Variants in ANKRD30B observed in about 807,000 individuals in gnomAD.
ANKRD30B encodes the protein ankyrin repeat domain-containing protein 30B.
A neutral mutation model predicts 202.2 loss-of-function variants in ANKRD30B; 144 were observed. That is an observed-to-expected ratio of 0.71 (90% CI 0.62 to 0.82). ANKRD30B has a LOEUF of 0.82. ANKRD30B is among the 40% of genes least tolerant of loss of function. The pLI is 0.00. For missense variants in ANKRD30B, 1,487 were observed against 1,669.1 expected, an observed-to-expected ratio of 0.89 and a Z score of 1.90; for synonymous variants, 508 against 561.3, an observed-to-expected ratio of 0.91 and a Z score of 1.34.
At chr18:14,772,790 G>C (rs1273548809) in intron 9 of ANKRD30B, among the ~76,000 whole-genome samples, 4 of 138,906 alleles carry the variant, frequency 2.9e-5, no homozygotes, top group Admixed American at 7.4e-5. Flanking sequence ...TTCTCTTCTT[G>C]GTTCTTTAAT....
chr18:14,756,548 T>C (rs1458512796), intron 4 of ANKRD30B, among the ~76,000 whole-genome samples: 1 of 152,220 alleles, frequency 6.6e-6, no homozygotes, highest in East Asian at 1.9e-4. Flanking sequence ...GTCTAACATG[T>C]AAGTCTTTAA....
In ANKRD30B at chr18:14,851,561, TGAAAAA is replaced by T; in HGVS notation, c.3619_3624del (p.Lys1207_Lys1208del). On this transcript the variant is annotated inframe_deletion, in exon 42 of 44. Transcript: ENST00000690538. ...GATCTCTTTCATGAAAATTGCATGT[TGAAAAA>T]GGAAATTGCCATGCTAAAACTGGAA... 2 of 1,581,280 alleles carry T rather than the reference TGAAAAA, an allele frequency of 1.3e-6. No individual in the cohort carries two copies. The highest frequency in any genetic ancestry group is 1.7e-6 in the Non-Finnish European group (2 of 1,170,230).
At chr18:14,788,375 T>G (rs1375915051) in intron 15 of ANKRD30B, among the ~76,000 whole-genome samples, 1 of 152,094 alleles carries the variant, frequency 6.6e-6, no homozygotes, top group Non-Finnish European at 1.5e-5. Flanking sequence ...GAGAGAGTTA[T>G]GTGAGGTTTT....
the ANKRD30B span, among the ~76,000 whole-genome samples, chr18:14,912,300 C>G: frequency 4.6e-5 from 7 of 152,018 alleles, no homozygotes; most frequent in Admixed American, 3.3e-4. Flanking sequence ...CCTTCTATGC[C>G]TAGTTTTTTT....
At chr18:14,923,600 C>A in the ANKRD30B span, among the ~76,000 whole-genome samples, 14 of 152,116 alleles carry the variant, frequency 9.2e-5, no homozygotes, top group African/African-American at 3.4e-4. Flanking sequence ...AAGGGAAGGA[C>A]AGAAGCCTGG....
the ANKRD30B span, among the ~76,000 whole-genome samples, chr18:14,932,002 C>G: frequency 7.9e-6 from 1 of 127,362 alleles, no homozygotes. Context: ...ACCCCACCTC[C>G]CACCTCCCTC....
At chr18:14,860,413 T>A in the ANKRD30B span, among the ~76,000 whole-genome samples, 19 of 113,282 alleles carry the variant, frequency 1.7e-4, no homozygotes, top group Middle Eastern at 4.9e-3. Context: ...GCTCCTCACC[T>A]CCCAGATGGG....
chr18:14,797,994 T>C, intron 20 of ANKRD30B, 140 bp downstream of exon 20: 2 of 943,200 alleles, frequency 2.1e-6, no homozygotes, highest in South Asian at 3.7e-5. Flanking sequence ...AATGTTAGTA[T>C]TTATGTTTGA....
intron 37 of ANKRD30B, among the ~76,000 whole-genome samples, chr18:14,841,788 C>T (rs1207642636): frequency 6.6e-6 from 1 of 152,060 alleles, no homozygotes; most frequent in Non-Finnish European, 1.5e-5. Flanking sequence ...ATTTGCACTC[C>T]AGAAGATTAG....
intron 10 of ANKRD30B, among the ~76,000 whole-genome samples, chr18:14,779,601 T>C (rs1453800167): frequency 1.3e-5 from 2 of 152,102 alleles, no homozygotes; most frequent in East Asian, 3.9e-4. Flanking sequence ...TACTAAAAAA[T>C]AAAAACAGAG....
At position 14,764,027 on chromosome 18, in the gene ANKRD30B, A is replaced by G. The variant is rs1194206573; in HGVS notation, c.1162A>G (p.Lys388Glu). Residue 388 changes from lysine (K) to glutamate (E), a missense_variant, in exon 7 of 44, where the codon AAA becomes GAA. Physicochemically the swap from Lys to Glu is moderately conservative, Grantham distance 56. This residue lies in a region of ANKRD30B where 889 missense variants were observed against 841.4 expected (regional missense o/e 1.06). Transcript: ENST00000690538. ...VTPNKTEVLE[K>E]GTSNMIACPT... The stretch of plus-strand genomic sequence containing the variant: ...ACCTAATAAAACTGAAGTTTTGGAA[A>G]AAGGAACATCTAATATGATTGCATG... The G allele has an allele frequency of 2.6e-6, 4 of 1,552,126 alleles. No individual in the cohort carries two copies. In the Middle Eastern group the frequency reaches 5.1e-4, roughly 199 times the overall value.
chr18:14,796,076 C>A, intron 16 of ANKRD30B, 145 bp from the exon 17 acceptor site: 2 of 887,354 alleles, frequency 2.3e-6, no homozygotes, highest in Non-Finnish European at 3.7e-6. Flanking sequence ...TTAACAAATA[C>A]AAAAGCCCAA....
Position 14,808,579 on chromosome 18 carries a change from G to C in ANKRD30B, c.2313G>C (p.Lys771Asn), listed in dbSNP as rs1178249795. ...CTCCTGATAAAGATGGTCTTCTGAAGGTAATTACTTTTATATTTCTATGTT... is the reference window on the plus strand; with the variant it reads ...CTCCTGATAAAGATGGTCTTCTGAACGTAATTACTTTTATATTTCTATGTT... ...EESPDKDGLL[K>N]PTCGRKVSLP... Residue 771 changes from lysine to asparagine, a missense_variant and splice_region_variant, in exon 25 of 44, where the codon AAG becomes AAC. Physicochemically the swap from Lys to Asn is moderately conservative, Grantham distance 94. This residue lies in a region of ANKRD30B where 218 missense variants were observed against 320.1 expected (regional missense o/e 0.68). Coordinates refer to ENST00000690538, the MANE Select transcript of ANKRD30B (RefSeq NM_001367607.2). The C allele has an allele frequency of 6.4e-7, 1 of 1,552,112 alleles. No homozygotes were observed. Among genetic ancestry groups the C allele is most frequent in the East Asian group, 2.3e-5 (1 of 44,422 alleles).
chr18:14,876,601 T>A, the ANKRD30B span, among the ~76,000 whole-genome samples: 1 of 152,164 alleles, frequency 6.6e-6, no homozygotes, highest in Non-Finnish European at 1.5e-5. Flanking sequence ...TGGATTCAGG[T>A]TAGATTTAAG....
the ANKRD30B span, among the ~76,000 whole-genome samples, chr18:14,885,808 T>G: frequency 6.6e-6 from 1 of 151,946 alleles, no homozygotes; most frequent in Non-Finnish European, 1.5e-5. Context: ...TAATTTATAT[T>G]ATGGCTTATG....
intron 32 of ANKRD30B, among the ~76,000 whole-genome samples, chr18:14,825,731 G>A (rs184426545): frequency 2.0e-3 from 303 of 152,158 alleles, no homozygotes; most frequent in African/African-American, 7.0e-3. Flanking sequence ...TCCTGTGAAA[G>A]CCATCAGTTA....
At chr18:14,794,447 C>T (rs931764594) in intron 16 of ANKRD30B, among the ~76,000 whole-genome samples, 13 of 151,746 alleles carry the variant, frequency 8.6e-5, no homozygotes, top group Middle Eastern at 3.4e-3. Flanking sequence ...TGGTTACATA[C>T]TCATTTCCTA....
At chr18:14,783,762 A>T (rs1967901274) in intron 12 of ANKRD30B, among the ~76,000 whole-genome samples, 1 of 152,130 alleles carries the variant, frequency 6.6e-6, no homozygotes, top group South Asian at 2.1e-4. Flanking sequence ...TAAGTGGATC[A>T]AGAAGCATTC....
chr18:14,892,776 G>T, the ANKRD30B span, among the ~76,000 whole-genome samples: 3 of 146,668 alleles, frequency 2.0e-5, no homozygotes, highest in African/African-American at 7.4e-5. Context: ...AAATTAGTTG[G>T]GCATGGTGGT....
Sources: allele counts gnomAD v4.1 joint callset (sites outside exome capture counted in the v4.1 genomes callset), GRCh38; gene constraint gnomAD v4.1.1; regional missense constraint gnomAD v4.1.1; transcripts MANE v1.5; gene names NCBI Gene and HGNC (gene_info 2026-07-23, HGNC 2026-07-21).